The following ZBTB47 variants were observed in gnomAD, a reference collection of about 807,000 sequenced individuals.
ZBTB47 encodes zinc finger and BTB domain containing 47, also known as zinc finger and BTB domain-containing protein 47.
ZBTB47 carries 24 observed loss-of-function variants against 56.6 expected under a neutral mutation model. The observed-to-expected ratio is 0.42, with a 90% confidence interval of 0.31 to 0.60. ZBTB47 has a LOEUF of 0.60. Ranked by LOEUF, ZBTB47 falls within the 20% of genes least tolerant of loss-of-function variation. ZBTB47 has a pLI of 0.14. For missense variants in ZBTB47, 829 were observed against 1,032.6 expected, an observed-to-expected ratio of 0.80 and a Z score of 2.70; for synonymous variants, 414 against 418.9, an observed-to-expected ratio of 0.99 and a Z score of 0.14.
chr3:42,656,743 G>A lies in ZBTB47; in HGVS notation c.-81-1532G>A, dbSNP rs1488844242. On this transcript the variant is annotated intron_variant, in intron 1 of 5. Transcript: ENST00000232974. This position sits in a 1 kb window ranked among gnomAD's most constrained non-coding sequence, Gnocchi z 5.8. ...AGGCTCCTGCTGAGGCCCACGGTAGGTTTCTCATTCAGGTGACTGAGAAGT... is the reference window on the plus strand; with the variant it reads ...AGGCTCCTGCTGAGGCCCACGGTAGATTTCTCATTCAGGTGACTGAGAAGT... Among the ~76,000 whole-genome samples the A allele has an allele frequency of 6.6e-6, 1 of 152,100 alleles. No homozygotes were observed. The highest frequency in any genetic ancestry group is 1.5e-5 in the Non-Finnish European group (1 of 67,992).
rs11458566 is a variant in ZBTB47 at position 42,664,843 on chromosome 3, C to CTTT, written c.*257_*259dup. The CTTT allele has an allele frequency of 4.0e-3, 1,193 of 298,948 alleles. 2 individuals carry two copies. The highest frequency in any genetic ancestry group is 0.014 in the East Asian group (265 of 19,378). 18.5% of individuals were successfully genotyped at this position (298,948 alleles called of 1,614,324 possible). A position where few individuals can be genotyped will look rare whatever the true frequency, so the allele number is the denominator to read the frequency against. Reference sequence around the variant, plus strand: ...TTTCTGTGACTCCTTGAAGCCTTTACTTTTTTTTTTTTTTGGAAGTGAAGG... The same window carrying CTTT: ...TTTCTGTGACTCCTTGAAGCCTTTACTTTTTTTTTTTTTTTTTGGAAGTGAAGG... On this transcript the variant is annotated 3_prime_UTR_variant, in exon 6 of 6. Coordinates refer to ENST00000232974, the MANE Select transcript of ZBTB47 (RefSeq NM_145166.4).
In ZBTB47 at chr3:42,654,248, AG is replaced by A. The variant is rs1461995382; in HGVS notation, c.-82+368del. On this transcript the variant is annotated intron_variant, in intron 1 of 5. Transcript: ENST00000232974. The surrounding 1 kb of genome is among the most constrained non-coding windows in gnomAD (Gnocchi z 5.0). The stretch of plus-strand genomic sequence containing the variant: ...CGGCAGAAAGGAGGCTCAGCACGGG[AG>A]GGTGGGGCCGGGGTCTATCTGCTCG... 1.0e-5 allele frequency: 1 copy of A among 99,970 alleles called. No individual in the cohort carries two copies. Among genetic ancestry groups the A allele is most frequent in the Non-Finnish European group, 2.0e-5 (1 of 49,628 alleles). The allele number at this position is 99,970 out of a possible 1,614,324, so 6.2% of individuals were successfully genotyped here. A position where few individuals can be genotyped will look rare whatever the true frequency, so the allele number is the denominator to read the frequency against.
chr3:42,659,093 C>T lies in ZBTB47; in HGVS notation c.738C>T (p.His246=), dbSNP rs1247302709. Residue 246 remains histidine, a synonymous_variant, in exon 2 of 6, where the codon CAC becomes CAT. Coordinates refer to ENST00000232974, the MANE Select transcript of ZBTB47 (RefSeq NM_145166.4). ...VEVNLNNQTL[H]VSTGPEGKPG... is the part of the protein sequence containing the mutation. ...TGAACCTCAACAACCAGACACTGCA[C>T]GTGTCCACGGGGCCAGAGGGGAAGC... 11 of 1,502,136 alleles carry T rather than the reference C, an allele frequency of 7.3e-6. No homozygotes were observed. The highest frequency in any genetic ancestry group is 5.2e-5 in the South Asian group (4 of 77,378). 93.1% of individuals were successfully genotyped at this position (1,502,136 alleles called of 1,614,324 possible). A position where few individuals can be genotyped will look rare whatever the true frequency, so the allele number is the denominator to read the frequency against.
At chr3:42,655,507 C>A (rs1485176509) in intron 1 of ZBTB47, among the ~76,000 whole-genome samples, 1 of 152,208 alleles carries the variant, frequency 6.6e-6, no homozygotes, top group East Asian at 1.9e-4. Flanking sequence ...TGACTTGGGG[C>A]AAGGGTTTGA....
chr3:42,652,996 T>A (rs1005252545), upstream of ZBTB47, among the ~76,000 whole-genome samples: 1 of 152,202 alleles, frequency 6.6e-6, no homozygotes, highest in Non-Finnish European at 1.5e-5. Context: ...GGCCTTAACC[T>A]GGGGCCTCTG....
Position 42,664,641 on chromosome 3 carries a change from G to T in ZBTB47, c.*43G>T. ...TGCACCCGCTGGGGCCTGGAGTCAGGGCCCACTCCAGGAGGGACCCACTGC... is the reference window on the plus strand; with the variant it reads ...TGCACCCGCTGGGGCCTGGAGTCAGTGCCCACTCCAGGAGGGACCCACTGC... On this transcript the variant is annotated 3_prime_UTR_variant, in exon 6 of 6. Coordinates refer to ENST00000232974, the MANE Select transcript of ZBTB47 (RefSeq NM_145166.4). 1 of 1,388,346 alleles carries T rather than the reference G, an allele frequency of 7.2e-7. No homozygotes were observed. The highest frequency in any genetic ancestry group is 9.2e-7 in the Non-Finnish European group (1 of 1,081,996). 86.0% of individuals were successfully genotyped at this position (1,388,346 alleles called of 1,614,324 possible).
Position 42,656,172 on chromosome 3 carries a change from C to T in ZBTB47, c.-81-2103C>T, listed in dbSNP as rs1195996164. On this transcript the variant is annotated intron_variant, in intron 1 of 5. Coordinates refer to ENST00000232974, the MANE Select transcript of ZBTB47 (RefSeq NM_145166.4). The surrounding 1 kb of genome is among the most constrained non-coding windows in gnomAD (Gnocchi z 5.8). ...TTGCAACCCAAGTTGTACCCTGATCCTTCACTGACCTGCAGGTGCAGTGGC... is the reference window on the plus strand; with the variant it reads ...TTGCAACCCAAGTTGTACCCTGATCTTTCACTGACCTGCAGGTGCAGTGGC... Among the ~76,000 whole-genome samples, 1 of 152,254 alleles carries T rather than the reference C, an allele frequency of 6.6e-6. No individual in the cohort carries two copies. The highest frequency in any genetic ancestry group is 1.5e-5 in the Non-Finnish European group (1 of 68,040).
Position 42,663,965 on chromosome 3 carries a change from GCTCGGTGCCGGGC to G in ZBTB47, c.1882+27_1882+39del, listed in dbSNP as rs1164958094. 1.4e-5 allele frequency: 23 copies of G among 1,597,716 alleles called. No homozygotes were observed. The highest frequency in any genetic ancestry group is 2.0e-5 in the Non-Finnish European group (23 of 1,170,312). ...AGGTGCGGCTGCCCCTGGGGACGGA[GCTCGGTGCCGGGC>G]CTGGGACCCCTTCTCAGCCCCGCTC... On this transcript the variant is annotated intron_variant, in intron 5 of 5. Coordinates refer to ENST00000232974, the MANE Select transcript of ZBTB47 (RefSeq NM_145166.4). This position sits in a 1 kb window ranked among gnomAD's most constrained non-coding sequence, Gnocchi z 5.1.
chr3:42,662,486 C>T (rs1710733048), intron 3 of ZBTB47, among the ~76,000 whole-genome samples: 1 of 152,210 alleles, frequency 6.6e-6, no homozygotes, highest in Admixed American at 6.5e-5. Flanking sequence ...TTAGTCCTCA[C>T]CCATCCGTGG....
rs553906227 is a variant in ZBTB47, at chr3:42,658,129, G to A, written c.-81-146G>A. On this transcript the variant is annotated intron_variant, in intron 1 of 5. Coordinates refer to ENST00000232974, the MANE Select transcript of ZBTB47 (RefSeq NM_145166.4). ...TCACTCAGGCTTGAATCCCTTCCTTGCTAGTTTCGGCTCTGTTGCTGTAAA... is the reference window on the plus strand; with the variant it reads ...TCACTCAGGCTTGAATCCCTTCCTTACTAGTTTCGGCTCTGTTGCTGTAAA... 4.7e-6 allele frequency: 4 copies of A among 848,466 alleles called. No homozygotes were observed. The South Asian group carries it at 7.9e-5, about 17-fold the overall frequency. The allele number at this position is 848,466 out of a possible 1,614,324, so 52.6% of individuals were successfully genotyped here.
chr3:42,654,770 G>C lies in ZBTB47; in HGVS notation c.-82+887G>C, dbSNP rs1483037471. On this transcript the variant is annotated intron_variant, in intron 1 of 5. Transcript: ENST00000232974. This position sits in a 1 kb window ranked among gnomAD's most constrained non-coding sequence, Gnocchi z 5.0. ...CTGACCTCCCAGGCACACGGCCCGC[G>C]GGCCCGGGTGGAGGGGCTGGAGGGA... is the stretch of plus-strand genomic sequence containing the variant. The C allele has an allele frequency of 2.1e-6, 2 of 959,170 alleles. No individual in the cohort carries two copies. The highest frequency in any genetic ancestry group is 3.5e-5 in the African/African-American group (2 of 56,722). The allele number at this position is 959,170 out of a possible 1,614,324, so 59.4% of individuals were successfully genotyped here. A position where few individuals can be genotyped will look rare whatever the true frequency, so the allele number is the denominator to read the frequency against.
At position 42,656,380 on chromosome 3, in the gene ZBTB47, A is replaced by T. The variant is rs1440981195; in HGVS notation, c.-81-1895A>T. ...GGAGTCCAGGGGCTCTGGACTGTGG[A>T]ACCCTCTCATTCTGAGCCTCGGTTT... On this transcript the variant is annotated intron_variant, in intron 1 of 5. Coordinates refer to ENST00000232974, the MANE Select transcript of ZBTB47 (RefSeq NM_145166.4). This position sits in a 1 kb window ranked among gnomAD's most constrained non-coding sequence, Gnocchi z 5.8. Among the ~76,000 whole-genome samples, 1 of 152,130 alleles carries T rather than the reference A, an allele frequency of 6.6e-6. No homozygotes were observed. The highest frequency in any genetic ancestry group is 1.5e-5 in the Non-Finnish European group (1 of 68,014).
chr3:42,655,329 C>T (rs968667386), intron 1 of ZBTB47, among the ~76,000 whole-genome samples: 3 of 152,082 alleles, frequency 2.0e-5, no homozygotes, highest in South Asian at 2.1e-4. Flanking sequence ...GGGAGGGGGG[C>T]GCAGATGGAC....
chr3:42,653,004 C>T (rs1188097957), upstream of ZBTB47, among the ~76,000 whole-genome samples: 1 of 152,222 alleles, frequency 6.6e-6, no homozygotes, highest in African/African-American at 2.4e-5. Flanking sequence ...CCTGGGGCCT[C>T]TGGGAGCTGG....
rs1710757650 is a variant in ZBTB47, at chr3:42,664,392, G to A, written c.2038G>A (p.Glu680Lys). 1 of 1,600,712 alleles carries A rather than the reference G, an allele frequency of 6.2e-7. No individual in the cohort carries two copies. Among genetic ancestry groups the A allele is most frequent in the Non-Finnish European group, 8.5e-7 (1 of 1,174,498 alleles). Residue 680 changes from glutamate (E) to lysine (K), a missense_variant, in exon 6 of 6, where the codon GAG becomes AAG. By Grantham distance (56) the Glu-to-Lys change is moderately conservative. Around this residue, in one of 6 missense-constraint regions of ZBTB47, gnomAD observed 115 missense variants for 117.2 expected, o/e 0.98. Coordinates refer to ENST00000232974, the MANE Select transcript of ZBTB47 (RefSeq NM_145166.4). ...CTCCAACATGCTCAAGGCCCACAAG[G>A]AGAAGTGCTTCCGCGTCAGCCACAC... ...RFSNMLKAHK[E>K]KCFRVSHTLA... is the part of the protein sequence containing the mutation.
rs1710794327 is a variant in ZBTB47, at chr3:42,666,835, C to T, written c.*2237C>T. ...TCAGGTGAGGGGTCCAGACAGCTGA[C>T]CAGACAGCTTGACAGCTGGTCAAGA... On this transcript the variant is annotated 3_prime_UTR_variant, in exon 6 of 6. Transcript: ENST00000232974. Among the ~76,000 whole-genome samples the T allele has an allele frequency of 6.6e-6, 1 of 152,200 alleles. No homozygotes were observed. Among genetic ancestry groups the T allele is most frequent in the Non-Finnish European group, 1.5e-5 (1 of 68,028 alleles).
chr3:42,664,637 T>G lies in ZBTB47; in HGVS notation c.*39T>G, dbSNP rs955907213. The G allele has an allele frequency of 7.2e-7, 1 of 1,386,820 alleles. No individual in the cohort carries two copies. Among genetic ancestry groups the G allele is most frequent in the African/African-American group, 1.5e-5 (1 of 64,538 alleles). The allele number at this position is 1,386,820 out of a possible 1,614,324, so 85.9% of individuals were successfully genotyped here. A position where few individuals can be genotyped will look rare whatever the true frequency, so the allele number is the denominator to read the frequency against. ...CCCGTGCACCCGCTGGGGCCTGGAG[T>G]CAGGGCCCACTCCAGGAGGGACCCA... is the stretch of plus-strand genomic sequence containing the variant. On this transcript the variant is annotated 3_prime_UTR_variant, in exon 6 of 6. Transcript: ENST00000232974.
rs1193035165 is a variant in ZBTB47, at chr3:42,659,627, G to A, written c.1272G>A (p.Leu424=). ...GAGGGCCGCCAGCCACTGATGGGCT[G>A]GGGGCCAAGGTGAAGCTGGAGGAGA... ...SARGPPATDG[L]GAKVKLEEKQ... Residue 424 remains leucine, a synonymous_variant, in exon 2 of 6, where the codon CTG becomes CTA. Transcript: ENST00000232974. The A allele has an allele frequency of 6.2e-7, 1 of 1,610,872 alleles. No individual in the cohort carries two copies. The highest frequency in any genetic ancestry group is 1.3e-5 in the African/African-American group (1 of 74,886).
chr3:42,658,146 T>C (rs373343460), intron 1 of ZBTB47, 129 bp from the exon 2 acceptor site: 3 of 1,022,174 alleles, frequency 2.9e-6, no homozygotes, highest in African/African-American at 3.2e-5. Context: ...TCGGCTCTGT[T>C]GCTGTAAAGT....
Sources: allele counts gnomAD v4.1 joint callset (sites outside exome capture counted in the v4.1 genomes callset), GRCh38; gene constraint gnomAD v4.1.1; regional missense constraint gnomAD v4.1.1; non-coding constraint Gnocchi (gnomAD v3.1); transcripts MANE v1.5; gene names NCBI Gene and HGNC (gene_info 2026-07-23, HGNC 2026-07-21).